The following ZEB2 variants were observed in gnomAD, a reference collection of about 807,000 sequenced individuals.
ZEB2 encodes zinc finger E-box binding homeobox 2.
Under a neutral mutation model 99.9 loss-of-function variants are expected in ZEB2, and 6 were observed. The observed-to-expected ratio is 0.06, with a 90% CI of 0.03 to 0.12. ZEB2 has a LOEUF of 0.12. ZEB2 is among the 10% of genes least tolerant of loss of function. ZEB2 has a pLI of 1.00. For missense variants in ZEB2, 969 were observed against 1,502.8 expected (o/e 0.64, Z 5.87); for synonymous variants, 517 against 542.5 (o/e 0.95, Z 0.65).
intron 2 of ZEB2, chr2:144,513,985 AC>A: frequency 5.1e-5 from 55 of 1,070,086 alleles, no homozygotes; most frequent in Non-Finnish European, 6.5e-5. Flanking sequence ...CTTCCCCCTC[AC>A]CCCACTCCCT....
At chr2:144,491,207 G>T (rs559207295) in intron 2 of ZEB2, among the ~76,000 whole-genome samples, 1 of 152,366 alleles carries the variant, frequency 6.6e-6, no homozygotes, top group Middle Eastern at 3.4e-3. Context: ...CCTAGCAGCA[G>T]CTCCATTTTC....
At chr2:144,431,999 G>GA (rs80124435) in intron 2 of ZEB2, among the ~76,000 whole-genome samples, 2,568 of 112,666 alleles carry the variant, frequency 0.023, 28 homozygotes, top group African/African-American at 0.039. Context: ...CTTTATCCTG[G>GA]AAAAAAAAAA....
At chr2:144,485,107 T>C (rs1465486206) in intron 2 of ZEB2, among the ~76,000 whole-genome samples, 2 of 152,166 alleles carry the variant, frequency 1.3e-5, no homozygotes, top group Admixed American at 1.3e-4. Flanking sequence ...CAAAACTGCA[T>C]CTTGTCCCTG....
chr2:144,461,681 C>A (rs1041512179), intron 2 of ZEB2: 3 of 152,220 alleles, frequency 2.0e-5, no homozygotes, highest in African/African-American at 7.2e-5. Flanking sequence ...AGACATGTCA[C>A]TTCCATCGAT....
At chr2:144,425,472 C>G (rs1482898226) in intron 3 of ZEB2, among the ~76,000 whole-genome samples, 1 of 152,156 alleles carries the variant, frequency 6.6e-6, no homozygotes, top group East Asian at 1.9e-4. Context: ...TATTCCTATC[C>G]CAACTACTCC....
At position 144,421,270 on chromosome 2, in the gene ZEB2, A is replaced by G. The variant is rs146368555; in HGVS notation, c.403+3526T>C. ...CAGGCTCATTGGAGGGAGACATTCT[A>G]GTGTGGAATGGCTAGAGAAGAAATT... is the stretch of plus-strand genomic sequence containing the variant. On this transcript the variant is annotated intron_variant, in intron 4 of 9. Transcript: ENST00000627532. 5.1e-3 allele frequency among the ~76,000 whole-genome samples: 784 copies of G among 152,306 alleles called. 4 individuals are homozygous for G. Among genetic ancestry groups the G allele is most frequent in the Non-Finnish European group, 8.2e-3 (559 of 68,028 alleles).
At chr2:144,504,093 A>C (rs1473041294) in intron 2 of ZEB2, 22 of 15,356 alleles carry the variant, frequency 1.4e-3, no homozygotes, top group African/African-American at 2.7e-3. Context: ...AAAAAAAAAA[A>C]ACAACAAAAA....
At chr2:144,451,779 G>A (rs768248687) in intron 2 of ZEB2, among the ~76,000 whole-genome samples, 1 of 152,152 alleles carries the variant, frequency 6.6e-6, no homozygotes, top group East Asian at 1.9e-4. Flanking sequence ...GAAAGAAGTT[G>A]TTGTCTTTTT....
chr2:144,512,839 A>G, intron 2 of ZEB2: 1 of 1,287,252 alleles, frequency 7.8e-7, no homozygotes, highest in Non-Finnish European at 1.0e-6. Flanking sequence ...CTCCACAGAG[A>G]AAAAAGGATG....
At chr2:144,510,469 A>C (rs369365330) in intron 2 of ZEB2, among the ~76,000 whole-genome samples, 1 of 152,130 alleles carries the variant, frequency 6.6e-6, no homozygotes, top group East Asian at 1.9e-4. Flanking sequence ...CAAATCTAAC[A>C]GGCTTCTGGG....
At chr2:144,400,383 C>G in intron 7 of ZEB2, 113 bp from the exon 8 acceptor site, 1 of 1,148,306 alleles carries the variant, frequency 8.7e-7, no homozygotes, top group South Asian at 1.3e-5. Flanking sequence ...TGGGGTACCT[C>G]TACATTCTAG....
At chr2:144,493,571 C>T (rs1489282981) in intron 2 of ZEB2, among the ~76,000 whole-genome samples, 5 of 151,934 alleles carry the variant, frequency 3.3e-5, no homozygotes, top group Non-Finnish European at 1.5e-5. Context: ...GAACTGGGCT[C>T]CATTTGTTAC....
chr2:144,475,778 C>G (rs1472837018), intron 2 of ZEB2, among the ~76,000 whole-genome samples: 4 of 152,338 alleles, frequency 2.6e-5, no homozygotes, highest in Admixed American at 1.3e-4. Context: ...ACCTATCTGT[C>G]AAACCCATAC....
chr2:144,392,162 C>G (rs1212535022), intron 9 of ZEB2, among the ~76,000 whole-genome samples: 2 of 152,180 alleles, frequency 1.3e-5, no homozygotes, highest in Admixed American at 1.3e-4. Flanking sequence ...TCTTGATGCT[C>G]TAGTTGCTAC....
At chr2:144,484,833 C>A (rs574422642) in intron 2 of ZEB2, among the ~76,000 whole-genome samples, 1 of 151,168 alleles carries the variant, frequency 6.6e-6, no homozygotes, top group African/African-American at 2.4e-5. Flanking sequence ...CCAGCCTGTA[C>A]AGAAATTATG....
At chr2:144,439,153 A>C (rs1308805989) in intron 2 of ZEB2, among the ~76,000 whole-genome samples, 1 of 151,720 alleles carries the variant, frequency 6.6e-6, no homozygotes, top group Non-Finnish European at 1.5e-5. Flanking sequence ...AAAAAAAAAA[A>C]ACTTAAGGTT....
chr2:144,415,829 T>C (rs1703532535), intron 4 of ZEB2, among the ~76,000 whole-genome samples: 1 of 152,260 alleles, frequency 6.6e-6, no homozygotes, highest in Non-Finnish European at 1.5e-5. Context: ...TTCCACTCTG[T>C]AGCTGTAATG....
intron 1 of ZEB2, 171 bp from the exon 2 acceptor site, chr2:144,517,590 C>A: frequency 7.3e-6 from 4 of 546,854 alleles, no homozygotes; most frequent in Non-Finnish European, 1.4e-5. Context: ...GCCTTGGCCC[C>A]GAGGCGCTTT....
In ZEB2 at chr2:144,387,111, T is replaced by C. The variant is rs763282176; in HGVS notation, c.*2340A>G. The C allele has an allele frequency of 2.0e-5, 3 of 151,116 alleles. No individual in the cohort carries two copies. Among genetic ancestry groups the C allele is most frequent in the Non-Finnish European group, 3.0e-5 (2 of 67,776 alleles). 9.4% of individuals were successfully genotyped at this position (151,116 alleles called of 1,614,324 possible). ...CTATTGAGTTTCAAGTTGCAAAGAATGACTTTTGTGAAATTTAGGAAAGTG... is the reference window on the plus strand; with the variant it reads ...CTATTGAGTTTCAAGTTGCAAAGAACGACTTTTGTGAAATTTAGGAAAGTG... On this transcript the variant is annotated 3_prime_UTR_variant, in exon 10 of 10. Transcript: ENST00000627532.
Sources: gnomAD v4.1 joint callset for allele counts (sites outside exome capture counted in the v4.1 genomes callset) on GRCh38, gnomAD v4.1.1 for gene constraint, MANE v1.5 for transcripts, NCBI Gene and HGNC (gene_info 2026-07-23, HGNC 2026-07-21) for gene names.